PTCRA: variants seen among roughly 807,000 people sequenced by gnomAD.
The protein encoded by PTCRA is pre T-cell antigen receptor alpha.
A neutral mutation model predicts 13.4 loss-of-function variants in PTCRA; 9 were observed. The observed-to-expected ratio is 0.67, with a 90% confidence interval of 0.41 to 1.18. The LOEUF is 1.18. Among genes scored for constraint, PTCRA ranks in the 50% most tolerant of loss-of-function variants. The probability of loss-of-function intolerance (pLI) is 0.01; values close to 1 mark genes in which losing one functional copy is unlikely to be tolerated. For synonymous variants in PTCRA, 153 were observed against 161.9 expected, an observed-to-expected ratio of 0.94 and a Z score of 0.42; for missense variants, 353 against 359.8, an observed-to-expected ratio of 0.98 and a Z score of 0.15.
intron 1 of PTCRA, among the ~76,000 whole-genome samples, chr6:42,918,269 G>C (rs1483714791): frequency 6.9e-6 from 1 of 144,426 alleles, no homozygotes; most frequent in Admixed American, 6.9e-5. Flanking sequence ...AAAAAAAAAA[G>C]CCAGGCATGG....
rs879264346 is a variant in PTCRA, at chr6:42,923,164, G to A, written c.196G>A (p.Gly66Ser). The A allele has an allele frequency of 9.9e-6, 16 of 1,614,074 alleles. No individual in the cohort carries two copies. Among genetic ancestry groups the A allele is most frequent in the African/African-American group, 2.7e-5 (2 of 74,930 alleles). ...TGACAGCCCCATCTGGTTCTCAGCC[G>A]GCAATGGCAGTGCACTGGATGCCTT... is the stretch of plus-strand genomic sequence containing the variant. ...GLDSPIWFSA[G>S]NGSALDAFTY... Residue 66 changes from glycine to serine, a missense_variant, in exon 2 of 4, where the codon GGC becomes AGC. By Grantham distance (56) the Gly-to-Ser change is moderately conservative. Transcript: ENST00000304672.
At chr6:42,916,261 G>T in intron 1 of PTCRA, 134 bp downstream of exon 1, 1 of 854,334 alleles carries the variant, frequency 1.2e-6, no homozygotes. Flanking sequence ...TCTGGGGAGG[G>T]TCCCTCTGGG....
At chr6:42,920,827 T>C (rs1286191639) in intron 1 of PTCRA, among the ~76,000 whole-genome samples, 1 of 149,868 alleles carries the variant, frequency 6.7e-6, no homozygotes, top group East Asian at 2.0e-4. Flanking sequence ...TTTTTTTTTT[T>C]CACTCTGTCA....
At chr6:42,924,156 C>T (rs1767315332) in intron 2 of PTCRA, 73 bp from the exon 3 acceptor site, 1 of 1,348,500 alleles carries the variant, frequency 7.4e-7, no homozygotes, top group Non-Finnish European at 1.0e-6. Context: ...AGGGCCTGGG[C>T]ATAGCACTGG....
At chr6:42,924,548 T>C (rs920766015) in intron 3 of PTCRA, among the ~76,000 whole-genome samples, 30 of 152,232 alleles carry the variant, frequency 2.0e-4, no homozygotes, top group African/African-American at 7.0e-4. Context: ...GGAGTCCTCC[T>C]TGGGCAGCCC....
At position 42,923,581 on chromosome 6, in the gene PTCRA, G is replaced by A. The variant is rs77845086; in HGVS notation, c.379+234G>A. 2.8e-3 allele frequency among the ~76,000 whole-genome samples: 431 copies of A among 152,310 alleles called. 1 individual carries two copies. Among genetic ancestry groups the A allele is most frequent in the African/African-American group, 9.5e-3 (396 of 41,562 alleles). On this transcript the variant is annotated intron_variant, in intron 2 of 3. Coordinates refer to ENST00000304672, the MANE Select transcript of PTCRA (RefSeq NM_138296.3). ...CAGGCTTTGCAGCATGGCTTCCAAGGATAAAAATGCCTCCTTCCACCTAGG... is the reference window on the plus strand; with the variant it reads ...CAGGCTTTGCAGCATGGCTTCCAAGAATAAAAATGCCTCCTTCCACCTAGG...
intron 1 of PTCRA, among the ~76,000 whole-genome samples, chr6:42,919,563 A>G (rs1342249822): frequency 2.0e-5 from 3 of 151,042 alleles, no homozygotes; most frequent in African/African-American, 7.3e-5. Context: ...AAAATAAAAA[A>G]TAAATTAGCC....
At chr6:42,917,225 AT>A (rs982229404) in intron 1 of PTCRA, among the ~76,000 whole-genome samples, 3 of 131,248 alleles carry the variant, frequency 2.3e-5, no homozygotes, top group African/African-American at 9.6e-5. Context: ...TATTATTATT[AT>A]TATTATTTAT....
intron 1 of PTCRA, among the ~76,000 whole-genome samples, chr6:42,918,915 G>A (rs906163653): frequency 6.6e-5 from 10 of 151,102 alleles, no homozygotes; most frequent in South Asian, 2.1e-4. Flanking sequence ...TCAGCCTCCC[G>A]AGTAGCTGGG....
intron 1 of PTCRA, among the ~76,000 whole-genome samples, chr6:42,920,989 G>T (rs1767129367): frequency 6.6e-6 from 1 of 151,788 alleles, no homozygotes; most frequent in Non-Finnish European, 1.5e-5. Context: ...TAGAGATGGG[G>T]TTTCGCCATG....
rs564086503 is a variant in PTCRA at position 42,918,946 on chromosome 6, T to C, written c.58+2819T>C. Reference sequence around the variant, plus strand: ...CTGGGACTACAGGTGCCTGCCACCATGCCTGGCTAATTTTTTGTATTTTTA... The same window carrying C: ...CTGGGACTACAGGTGCCTGCCACCACGCCTGGCTAATTTTTTGTATTTTTA... On this transcript the variant is annotated intron_variant, in intron 1 of 3. Coordinates refer to ENST00000304672, the MANE Select transcript of PTCRA (RefSeq NM_138296.3). Among the ~76,000 whole-genome samples the C allele has an allele frequency of 1.9e-4, 29 of 151,066 alleles. 1 individual carries two copies. In the South Asian group the frequency reaches 4.0e-3, roughly 21 times the overall value.
At chr6:42,922,389 A>G (rs1767216559) in intron 1 of PTCRA, 2 of 615,700 alleles carry the variant, frequency 3.2e-6, no homozygotes, top group Non-Finnish European at 5.8e-6. Context: ...CGGATATCAT[A>G]GACAAGTGGA....
intron 2 of PTCRA, among the ~76,000 whole-genome samples, chr6:42,923,658 G>T (rs1375418520): frequency 6.6e-6 from 1 of 152,106 alleles, no homozygotes; most frequent in Admixed American, 6.5e-5. Flanking sequence ...ACCCTATAAG[G>T]ACCAAACTAA....
chr6:42,923,467 C>T lies in PTCRA; in HGVS notation c.379+120C>T, dbSNP rs2235834. 1.1e-5 allele frequency: 11 copies of T among 979,280 alleles called. No individual in the cohort carries two copies. In the East Asian group the frequency reaches 2.6e-4, roughly 23 times the overall value. 60.7% of individuals were successfully genotyped at this position (979,280 alleles called of 1,614,324 possible). A position where few individuals can be genotyped will look rare whatever the true frequency, so the allele number is the denominator to read the frequency against. ...CATGAAGGGTGTCCAAGCGCAGAGC[C>T]TCTGGGTGAGGTGACACCTGGGCTC... On this transcript the variant is annotated intron_variant, in intron 2 of 3. Transcript: ENST00000304672.
At chr6:42,921,530 G>T (rs1174679654) in intron 1 of PTCRA, among the ~76,000 whole-genome samples, 1 of 144,108 alleles carries the variant, frequency 6.9e-6, no homozygotes, top group Non-Finnish European at 1.5e-5. Flanking sequence ...TGATTCTCCT[G>T]CCGCAGCCTC....
chr6:42,924,295 T>C, intron 3 of PTCRA, 22 bp downstream of exon 3: 2 of 1,609,770 alleles, frequency 1.2e-6, no homozygotes, highest in African/African-American at 1.3e-5. Context: ...GGGCAAGGGG[T>C]GGGGAATAAG....
Position 42,924,283 on chromosome 6 carries a change from C to A in PTCRA, c.424+10C>A. 1 of 1,611,834 alleles carries A rather than the reference C, an allele frequency of 6.2e-7. No individual in the cohort carries two copies. Among genetic ancestry groups the A allele is most frequent in the South Asian group, 1.1e-5 (1 of 90,952 alleles). ...CAGGAGCCTCTCAGGGGTGAGTACT[C>A]CGGGCAAGGGGTGGGGAATAAGAGG... On this transcript the variant is annotated intron_variant, in intron 3 of 3. Transcript: ENST00000304672.
intron 1 of PTCRA, among the ~76,000 whole-genome samples, chr6:42,917,532 T>G (rs1037743129): frequency 8.7e-5 from 10 of 114,630 alleles, no homozygotes; most frequent in Non-Finnish European, 1.6e-4. Flanking sequence ...CGTTATATTA[T>G]TATTATTATT....
intron 2 of PTCRA, among the ~76,000 whole-genome samples, chr6:42,923,939 C>T (rs1487292208): frequency 6.6e-6 from 1 of 152,186 alleles, no homozygotes; most frequent in African/African-American, 2.4e-5. Flanking sequence ...TAACTAAGTG[C>T]CCTGACTTCC....
Sources: allele counts gnomAD v4.1 joint callset (sites outside exome capture counted in the v4.1 genomes callset), GRCh38; gene constraint gnomAD v4.1.1; transcripts MANE v1.5; gene names NCBI Gene and HGNC (gene_info 2026-07-23, HGNC 2026-07-21).